Variants in EPHB1 observed in about 807,000 individuals in gnomAD.
EPHB1 encodes the protein EPH receptor B1.
In EPHB1, 30 loss-of-function variants were observed where a neutral mutation model predicts 94.4. The ratio of observed to expected loss-of-function variants is 0.32; its 90% CI spans 0.24 to 0.43. The LOEUF (loss-of-function observed/expected upper bound fraction) is 0.43. EPHB1 is among the 20% of genes least tolerant of loss of function. The probability of loss-of-function intolerance (pLI) is 1.00; values close to 1 mark genes in which losing one functional copy is unlikely to be tolerated. For missense variants in EPHB1, 1,055 were observed against 1,308.3 expected (o/e 0.81, Z 2.99); for synonymous variants, 522 against 489.1 (o/e 1.07, Z -0.89).
chr3:134,826,768 G>A (rs1037631291), intron 1 of EPHB1, among the ~76,000 whole-genome samples: 6 of 152,126 alleles, frequency 3.9e-5, no homozygotes, highest in Admixed American at 2.0e-4. Flanking sequence ...TCCCGTTCCC[G>A]AGGGAAGAGG....
chr3:134,829,092 A>G (rs1210282390), intron 1 of EPHB1, among the ~76,000 whole-genome samples: 1 of 152,222 alleles, frequency 6.6e-6, no homozygotes, highest in Non-Finnish European at 1.5e-5. Flanking sequence ...ACATGATTTG[A>G]ATAAAAGGAA....
intron 3 of EPHB1, among the ~76,000 whole-genome samples, chr3:135,010,316 T>G (rs111706636): frequency 9.8e-5 from 15 of 152,292 alleles, no homozygotes; most frequent in African/African-American, 3.4e-4. Context: ...GGATTTCTTA[T>G]GTTACTACTT....
At chr3:135,164,196 A>G (rs546319181) in intron 7 of EPHB1, among the ~76,000 whole-genome samples, 13 of 152,342 alleles carry the variant, frequency 8.5e-5, no homozygotes, top group Admixed American at 3.9e-4. Context: ...TACATATATT[A>G]CAGAAAGTCT....
intron 1 of EPHB1, among the ~76,000 whole-genome samples, chr3:134,811,673 A>G (rs1196700321): frequency 6.6e-6 from 1 of 151,968 alleles, no homozygotes; most frequent in Non-Finnish European, 1.5e-5. Flanking sequence ...AAGATCTAAG[A>G]CTTTTTAGTC....
chr3:135,070,738 T>C (rs1014480896), intron 3 of EPHB1, among the ~76,000 whole-genome samples: 1 of 152,250 alleles, frequency 6.6e-6, no homozygotes, highest in African/African-American at 2.4e-5. Flanking sequence ...TTTTGCATTC[T>C]ATTTAACTTC....
intron 5 of EPHB1, among the ~76,000 whole-genome samples, chr3:135,139,680 T>C (rs1175464479): frequency 6.6e-6 from 1 of 152,214 alleles, no homozygotes. Context: ...AGTGACTTGA[T>C]GGGGTGCAGG....
intron 1 of EPHB1, among the ~76,000 whole-genome samples, chr3:134,833,086 C>T (rs900243548): frequency 1.3e-5 from 2 of 152,166 alleles, no homozygotes; most frequent in Admixed American, 6.5e-5. Flanking sequence ...TGCCCTTGGT[C>T]ACCTGATCCC....
At chr3:135,176,145 C>G (rs1201322824) in intron 9 of EPHB1, among the ~76,000 whole-genome samples, 1 of 152,070 alleles carries the variant, frequency 6.6e-6, no homozygotes, top group Non-Finnish European at 1.5e-5. Context: ...TACAGGGGAG[C>G]CCTTACGTGC....
chr3:134,799,166 A>G (rs2035888400), intron 1 of EPHB1, among the ~76,000 whole-genome samples: 2 of 152,222 alleles, frequency 1.3e-5, no homozygotes, highest in Non-Finnish European at 2.9e-5. Context: ...ACTGAATTTC[A>G]CTGTACACAT....
chr3:135,180,407 C>A (rs1486275366), intron 10 of EPHB1, among the ~76,000 whole-genome samples: 1 of 152,204 alleles, frequency 6.6e-6, no homozygotes, highest in African/African-American at 2.4e-5. Context: ...TTCCTATGTA[C>A]ATGAATTTGA....
chr3:134,862,596 A>G (rs563478558), intron 1 of EPHB1, among the ~76,000 whole-genome samples: 2 of 152,222 alleles, frequency 1.3e-5, no homozygotes, highest in South Asian at 4.2e-4. Flanking sequence ...ACAATAAAGC[A>G]CTGATTAAAG....
chr3:135,183,088 C>T lies in EPHB1; in HGVS notation c.1882+3106C>T, dbSNP rs1486719118. Among the ~76,000 whole-genome samples the T allele has an allele frequency of 1.0e-4, 13 of 127,850 alleles. No homozygotes were observed. In the Admixed American group the frequency reaches 1.0e-3, roughly 10 times the overall value. 83.9% of individuals were successfully genotyped at this position (127,850 alleles called of 152,430 possible). ...TTTCTTTCTTTCTTTCTCTTTCTCT[C>T]TCTCTCTTCCTTTCTTTCTTCTTGA... On this transcript the variant is annotated intron_variant, in intron 10 of 15. Transcript: ENST00000398015.
chr3:135,138,415 T>C (rs987670764), intron 5 of EPHB1, among the ~76,000 whole-genome samples: 6 of 152,336 alleles, frequency 3.9e-5, no homozygotes, highest in South Asian at 2.1e-4. Context: ...TGGTTAAATA[T>C]AGTATTTGCA....
rs553671148 is a variant in EPHB1 at position 135,258,848 on chromosome 3, G to A, written c.2847-164G>A. On this transcript the variant is annotated intron_variant, in intron 15 of 15. Coordinates refer to ENST00000398015, the MANE Select transcript of EPHB1 (RefSeq NM_004441.5). ...TAGAGAAGAAGGAGAAAGTGAGCAG[G>A]AAAATCTCTAATTGGAAGTTTGCCA... is the stretch of plus-strand genomic sequence containing the variant. 1.2e-3 allele frequency among the ~76,000 whole-genome samples: 178 copies of A among 152,278 alleles called. 2 individuals are homozygous for A. In the South Asian group the frequency reaches 0.013, roughly 11 times the overall value.
At chr3:135,001,066 T>C (rs911283879) in intron 3 of EPHB1, among the ~76,000 whole-genome samples, 6 of 152,160 alleles carry the variant, frequency 3.9e-5, no homozygotes, top group Admixed American at 6.5e-5. Flanking sequence ...GTATCTGGCC[T>C]GGAGGAGGAG....
At chr3:134,825,242 G>A (rs572537676) in intron 1 of EPHB1, among the ~76,000 whole-genome samples, 10 of 152,322 alleles carry the variant, frequency 6.6e-5, no homozygotes, top group African/African-American at 2.4e-4. Context: ...GAGGCAGGCT[G>A]GAGATGTTAC....
chr3:135,020,017 C>T (rs773456581), intron 3 of EPHB1, among the ~76,000 whole-genome samples: 7 of 152,206 alleles, frequency 4.6e-5, no homozygotes, highest in Non-Finnish European at 1.0e-4. Context: ...TGCCCTTGTC[C>T]CAGCACCTTC....
chr3:134,917,921 C>G (rs2038606255), intron 1 of EPHB1, among the ~76,000 whole-genome samples: 1 of 152,208 alleles, frequency 6.6e-6, no homozygotes, highest in African/African-American at 2.4e-5. Context: ...TCTGTTGACT[C>G]AGGGCAGGAA....
chr3:135,189,337 A>T (rs4894286), intron 10 of EPHB1, among the ~76,000 whole-genome samples: 64,602 of 152,018 alleles, frequency 0.42, 14,172 homozygotes, highest in East Asian at 0.7. Context: ...ATTTGAAAAG[A>T]GCTTGGATGG....
Sources: allele counts gnomAD v4.1 joint callset (sites outside exome capture counted in the v4.1 genomes callset), GRCh38; gene constraint gnomAD v4.1.1; transcripts MANE v1.5; gene names NCBI Gene and HGNC (gene_info 2026-07-23, HGNC 2026-07-21).